The following GCLM variants were observed in gnomAD, a reference collection of about 807,000 sequenced individuals.
GCLM encodes the protein glutamate-cysteine ligase modifier subunit.
Under a neutral mutation model 36.0 loss-of-function variants are expected in GCLM, and 15 were observed. The ratio of observed to expected loss-of-function variants is 0.42; its 90% CI spans 0.28 to 0.64. GCLM has a LOEUF of 0.64. GCLM is among the 30% of genes least tolerant of loss of function. The pLI is 0.25. For synonymous variants in GCLM, 129 were observed against 122.8 expected (o/e 1.05, Z -0.34); for missense variants, 242 against 325.5 (o/e 0.74, Z 1.97).
At chr1:93,898,987 G>A (rs1171404928) in intron 3 of GCLM, among the ~76,000 whole-genome samples, 3 of 152,100 alleles carry the variant, frequency 2.0e-5, no homozygotes, top group Non-Finnish European at 1.5e-5. Context: ...AGAATTGCCA[G>A]TCTCATCACC....
intron 3 of GCLM, among the ~76,000 whole-genome samples, chr1:93,901,094 A>G (rs1302061135): frequency 6.6e-6 from 1 of 152,216 alleles, no homozygotes; most frequent in Non-Finnish European, 1.5e-5. Context: ...CCTTGAGTAT[A>G]GTACAGTTTC....
intron 3 of GCLM, among the ~76,000 whole-genome samples, chr1:93,898,303 GAA>G (rs58007552): frequency 0.03 from 495 of 16,338 alleles, 1 homozygote; most frequent in Middle Eastern, 0.12. Flanking sequence ...GAAGAAAACT[GAA>G]AAAAAAAAAA....
chr1:93,888,865 T>C lies in GCLM; in HGVS notation c.*125A>G. The C allele has an allele frequency of 3.3e-6, 2 of 608,306 alleles. No homozygotes were observed. The highest frequency in any genetic ancestry group is 5.6e-6 in the Non-Finnish European group (2 of 358,312). The allele number at this position is 608,306 out of a possible 1,614,324, so 37.7% of individuals were successfully genotyped here. On this transcript the variant is annotated 3_prime_UTR_variant, in exon 7 of 7. Coordinates refer to ENST00000370238, the MANE Select transcript of GCLM (RefSeq NM_002061.4). ...ATTTAAAACTTGACAGACAACATAC[T>C]GTCAAATATGACGAAAGAATATCTG...
chr1:93,906,761 T>C (rs1170466492), intron 1 of GCLM, among the ~76,000 whole-genome samples: 1 of 152,206 alleles, frequency 6.6e-6, no homozygotes, highest in Non-Finnish European at 1.5e-5. Context: ...CTCTTCATTC[T>C]TATAATACAC....
intron 2 of GCLM, among the ~76,000 whole-genome samples, chr1:93,904,069 T>C (rs956504603): frequency 1.3e-5 from 2 of 152,192 alleles, no homozygotes; most frequent in Non-Finnish European, 1.5e-5. Flanking sequence ...TTTCAAAATG[T>C]GTTTTAGGGT....
intron 2 of GCLM, among the ~76,000 whole-genome samples, chr1:93,902,709 G>A (rs1367693429): frequency 1.3e-5 from 2 of 152,016 alleles, no homozygotes; most frequent in Non-Finnish European, 2.9e-5. Flanking sequence ...TTTACTCTTG[G>A]TGCTGCATAG....
intron 1 of GCLM, among the ~76,000 whole-genome samples, chr1:93,905,091 T>C (rs1657097932): frequency 6.7e-6 from 1 of 149,980 alleles, no homozygotes; most frequent in Admixed American, 6.7e-5. Flanking sequence ...CAATTTTGCT[T>C]GAACCCAGGA....
At chr1:93,908,920 G>C in intron 1 of GCLM, 118 bp downstream of exon 1, 1 of 807,498 alleles carries the variant, frequency 1.2e-6, no homozygotes. Context: ...GCGGAGCCCA[G>C]GTGCGCGCGA....
At chr1:93,889,658 T>C (rs1288544494) in intron 6 of GCLM, among the ~76,000 whole-genome samples, 1 of 151,824 alleles carries the variant, frequency 6.6e-6, no homozygotes, top group East Asian at 1.9e-4. Flanking sequence ...TGTGTGTATA[T>C]CCATATCTTA....
intron 2 of GCLM, among the ~76,000 whole-genome samples, chr1:93,902,307 T>G (rs1463782431): frequency 6.6e-6 from 1 of 151,818 alleles, no homozygotes; most frequent in Admixed American, 6.6e-5. Flanking sequence ...GTGTCCCGAG[T>G]AGCTGGGACT....
At chr1:93,896,212 C>T (rs577425249) in intron 5 of GCLM, among the ~76,000 whole-genome samples, 5 of 152,118 alleles carry the variant, frequency 3.3e-5, no homozygotes, top group South Asian at 4.1e-4. Context: ...CTGCTCGCCT[C>T]GGCCTCCCAA....
In GCLM at chr1:93,894,690, G is replaced by A; in HGVS notation, c.579C>T (p.Cys193=). The A allele has an allele frequency of 6.2e-7, 1 of 1,610,540 alleles. No homozygotes were observed. The highest frequency in any genetic ancestry group is 2.2e-5 in the East Asian group (1 of 44,776). Residue 193 remains cysteine, a synonymous_variant, in exon 6 of 7, where the codon TGC becomes TGT. Transcript: ENST00000370238. The stretch of plus-strand genomic sequence containing the variant: ...CAGTCAAATCTGGTGGCATCACACA[G>A]CAGGAGGCAAGATTAACTTGGTTAC... ...PNSNQVNLAS[C]CVMPPDLTAF... is the part of the protein sequence containing the mutation.
chr1:93,899,095 C>CTT (rs60469628), intron 3 of GCLM, among the ~76,000 whole-genome samples: 1 of 147,690 alleles, frequency 6.8e-6, no homozygotes, highest in African/African-American at 2.5e-5. Flanking sequence ...ATTTTACATA[C>CTT]TTTTTTTTTT....
At chr1:93,908,863 T>G in intron 1 of GCLM, 175 bp downstream of exon 1, 1 of 440,770 alleles carries the variant, frequency 2.3e-6, no homozygotes, top group Non-Finnish European at 3.8e-6. Context: ...CGGCAGCGGG[T>G]TTGGACCCAA....
intron 3 of GCLM, among the ~76,000 whole-genome samples, chr1:93,900,453 A>C (rs1656907211): frequency 6.6e-6 from 1 of 152,160 alleles, no homozygotes; most frequent in Non-Finnish European, 1.5e-5. Flanking sequence ...TTTCCAACAC[A>C]AACAGCAATG....
intron 6 of GCLM, among the ~76,000 whole-genome samples, chr1:93,890,019 C>T (rs920700641): frequency 1.3e-5 from 2 of 151,714 alleles, no homozygotes; most frequent in African/African-American, 4.8e-5. Context: ...TCAAGCAATT[C>T]TTCTGCCTCA....
intron 2 of GCLM, among the ~76,000 whole-genome samples, chr1:93,902,225 T>G (rs1436845753): frequency 6.6e-6 from 1 of 152,114 alleles, no homozygotes; most frequent in Non-Finnish European, 1.5e-5. Context: ...TCGCCCAGGC[T>G]GGAGTGCAGT....
chr1:93,903,360 G>C lies in GCLM; in HGVS notation c.192+1163C>G, dbSNP rs540154251. On this transcript the variant is annotated intron_variant, in intron 2 of 6. Transcript: ENST00000370238. ...GAGTCTCACTCTCTTGCTCAGGCTA[G>C]AGTGCAGTGGTGTGATCTCAGCTCA... 1.2e-3 allele frequency among the ~76,000 whole-genome samples: 178 copies of C among 151,812 alleles called. 2 individuals carry two copies. The highest frequency in any genetic ancestry group is 6.8e-3 in the Middle Eastern group (2 of 294).
intron 6 of GCLM, among the ~76,000 whole-genome samples, chr1:93,891,588 G>T (rs1256717169): frequency 6.6e-6 from 1 of 152,110 alleles, no homozygotes; most frequent in Non-Finnish European, 1.5e-5. Flanking sequence ...TTCCATGAGG[G>T]TTGGTTTTTG....
Sources: allele counts gnomAD v4.1 joint callset (sites outside exome capture counted in the v4.1 genomes callset), GRCh38; gene constraint gnomAD v4.1.1; transcripts MANE v1.5; gene names NCBI Gene and HGNC (gene_info 2026-07-23, HGNC 2026-07-21).